Variants in INHBC observed in about 807,000 individuals in gnomAD.
INHBC encodes inhibin subunit beta C.
In INHBC, 10 loss-of-function variants were observed where a neutral mutation model predicts 12.4. The ratio of observed to expected loss-of-function variants is 0.81; its 90% CI spans 0.50 to 1.37. INHBC has a LOEUF of 1.37. Ranked by LOEUF, INHBC falls within the 40% of genes most tolerant of loss-of-function variation. The pLI, the probability that INHBC is intolerant of heterozygous loss-of-function variation, is 0.00. For synonymous variants in INHBC, 147 were observed against 171.6 expected, an observed-to-expected ratio of 0.86 and a Z score of 1.12; for missense variants, 382 against 439.4, an observed-to-expected ratio of 0.87 and a Z score of 1.17.
chr12:57,435,207 C>T lies in INHBC; in HGVS notation c.313+8C>T. The T allele has an allele frequency of 1.9e-6, 3 of 1,601,672 alleles. No individual in the cohort carries two copies. Among genetic ancestry groups the T allele is most frequent in the South Asian group, 1.1e-5 (1 of 90,484 alleles). On this transcript the variant is annotated splice_region_variant and intron_variant, in intron 1 of 1. Coordinates refer to ENST00000309668, the MANE Select transcript of INHBC (RefSeq NM_005538.4). ...TCAGCTTTGCTGAGACAGGTGGGTT[C>T]CTGATCTGTAGCTCTTCCCCAGAAC... is the stretch of plus-strand genomic sequence containing the variant.
At chr12:57,445,537 G>A (rs956188536) in intron 1 of INHBC, among the ~76,000 whole-genome samples, 3 of 152,100 alleles carry the variant, frequency 2.0e-5, no homozygotes, top group Non-Finnish European at 2.9e-5. Flanking sequence ...ATGCGTTTAT[G>A]GGGAGAAGTT....
At chr12:57,447,935 T>C (rs1198105343) in intron 1 of INHBC, among the ~76,000 whole-genome samples, 4 of 122,692 alleles carry the variant, frequency 3.3e-5, no homozygotes, top group African/African-American at 1.2e-4. Flanking sequence ...AATATATGTG[T>C]GTGTGCTTGT....
intron 1 of INHBC, among the ~76,000 whole-genome samples, chr12:57,447,596 AT>A (rs983523097): frequency 1.3e-5 from 2 of 151,016 alleles, no homozygotes; most frequent in African/African-American, 2.4e-5. Context: ...ATTAAAAAAA[AT>A]ATATAGGCCA....
chr12:57,449,138 A>C, intron 1 of INHBC, 139 bp from the exon 2 acceptor site: 1 of 1,125,472 alleles, frequency 8.9e-7, no homozygotes. Flanking sequence ...AATTTCCAGC[A>C]CATGAACTTT....
At chr12:57,446,626 C>G (rs1870585386) in intron 1 of INHBC, among the ~76,000 whole-genome samples, 1 of 151,886 alleles carries the variant, frequency 6.6e-6, no homozygotes, top group South Asian at 2.1e-4. Flanking sequence ...TCCGTAGTAG[C>G]TGGGACTACA....
intron 1 of INHBC, among the ~76,000 whole-genome samples, chr12:57,447,895 ATATATATATATAT>A (rs1870621468): frequency 1.8e-4 from 13 of 71,758 alleles, no homozygotes; most frequent in South Asian, 5.1e-4. Flanking sequence ...AAAAAAAAAT[ATATATATATATAT>A]ATATATATAT....
chr12:57,444,381 A>C (rs1870532038), intron 1 of INHBC, among the ~76,000 whole-genome samples: 1 of 152,040 alleles, frequency 6.6e-6, no homozygotes, highest in African/African-American at 2.4e-5. Context: ...TCTCTACTAA[A>C]AATACAAAAA....
At chr12:57,447,789 GAGGCAGCGGTT>G (rs1870611857) in intron 1 of INHBC, among the ~76,000 whole-genome samples, 1 of 135,890 alleles carries the variant, frequency 7.4e-6, no homozygotes, top group Non-Finnish European at 1.5e-5. Context: ...TTGAACCCGA[GAGGCAGCGGTT>G]GCAGTGAGCT....
Position 57,450,166 on chromosome 12 carries a change from C to A in INHBC, c.*144C>A. The A allele has an allele frequency of 2.3e-6, 2 of 878,520 alleles. No individual in the cohort carries two copies. Among genetic ancestry groups the A allele is most frequent in the Non-Finnish European group, 3.2e-6 (2 of 623,464 alleles). The allele number at this position is 878,520 out of a possible 1,614,324, so 54.4% of individuals were successfully genotyped here. On this transcript the variant is annotated 3_prime_UTR_variant, in exon 2 of 2. Coordinates refer to ENST00000309668, the MANE Select transcript of INHBC (RefSeq NM_005538.4). ...TGAGCATCTTATGGAAATTACCCCACCTTTGACTTGAAGAAACCTTCATCT... is the reference window on the plus strand; with the variant it reads ...TGAGCATCTTATGGAAATTACCCCAACTTTGACTTGAAGAAACCTTCATCT...
rs1356181455 is a variant in INHBC, at chr12:57,435,058, A to T, written c.172A>T (p.Thr58Ser). 1 of 1,614,014 alleles carries T rather than the reference A, an allele frequency of 6.2e-7. No homozygotes were observed. The highest frequency in any genetic ancestry group is 1.7e-5 in the Admixed American group (1 of 59,992). ...AAGCATCTTGGACAAGCTGCACCTC[A>T]CCCAGCGCCCAACACTGAACCGCCC... is the stretch of plus-strand genomic sequence containing the variant. ...KRSILDKLHLTQRPTLNRPVS... is the reference protein window; with the variant it reads ...KRSILDKLHLSQRPTLNRPVS... The change falls in exon 1 of 2, where the codon ACC (threonine) becomes TCC (serine). Residue 58 changes from threonine to serine, a missense_variant. Thr to Ser is a moderately conservative substitution (Grantham distance 58, BLOSUM62 1). Transcript: ENST00000309668.
intron 1 of INHBC, among the ~76,000 whole-genome samples, chr12:57,447,623 G>A (rs1334231917): frequency 6.7e-6 from 1 of 149,984 alleles, no homozygotes; most frequent in East Asian, 2.0e-4. Context: ...GGTGGCTTAC[G>A]CCTGTAATCC....
At chr12:57,447,248 G>A (rs1298986684) in intron 1 of INHBC, among the ~76,000 whole-genome samples, 1 of 151,976 alleles carries the variant, frequency 6.6e-6, no homozygotes, top group Non-Finnish European at 1.5e-5. Context: ...GCAATGGTGT[G>A]GTCTTGGCTC....
chr12:57,447,903 A>ATATATATATT (rs1555325191), intron 1 of INHBC, among the ~76,000 whole-genome samples: 3 of 102,716 alleles, frequency 2.9e-5, no homozygotes, highest in Admixed American at 1.1e-4. Context: ...ATATATATAT[A>ATATATATATT]TATATATATA....
rs1293891247 is a variant in INHBC at position 57,451,018 on chromosome 12, C to G, written c.*996C>G. On this transcript the variant is annotated 3_prime_UTR_variant, in exon 2 of 2. Transcript: ENST00000309668. ...TCCTACAAGGGCCCTAACTGGCACC[C>G]CAGATGACACAGAGCCTGCCTGCTT... 6.6e-6 allele frequency among the ~76,000 whole-genome samples: 1 copy of G among 152,190 alleles called. No individual in the cohort carries two copies. The highest frequency in any genetic ancestry group is 2.4e-5 in the African/African-American group (1 of 41,434).
chr12:57,435,079 C>G lies in INHBC; in HGVS notation c.193C>G (p.Arg65Gly). The G allele has an allele frequency of 6.2e-7, 1 of 1,614,170 alleles. No individual in the cohort carries two copies. Among genetic ancestry groups the G allele is most frequent in the Non-Finnish European group, 8.5e-7 (1 of 1,180,044 alleles). Reference sequence around the variant, plus strand: ...CCTCACCCAGCGCCCAACACTGAACCGCCCTGTGTCCAGAGCTGCTTTGAG... The same window carrying G: ...CCTCACCCAGCGCCCAACACTGAACGGCCCTGTGTCCAGAGCTGCTTTGAG... ...LHLTQRPTLN[R>G]PVSRAALRTA... Residue 65 changes from arginine to glycine, a missense_variant, in exon 1 of 2, where the codon CGC becomes GGC. Arg to Gly is a moderately radical substitution (Grantham distance 125). Transcript: ENST00000309668.
At chr12:57,447,956 A>G (rs1301115822) in intron 1 of INHBC, among the ~76,000 whole-genome samples, 2 of 129,650 alleles carry the variant, frequency 1.5e-5, no homozygotes, top group African/African-American at 5.6e-5. Context: ...GTTTGTATAT[A>G]TGTATGCATA....
Position 57,450,055 on chromosome 12 carries a change from T to A in INHBC, c.*33T>A. 6.8e-7 allele frequency: 1 copy of A among 1,478,606 alleles called. No homozygotes were observed. Among genetic ancestry groups the A allele is most frequent in the Non-Finnish European group, 8.9e-7 (1 of 1,119,552 alleles). The allele number at this position is 1,478,606 out of a possible 1,614,324, so 91.6% of individuals were successfully genotyped here. A position where few individuals can be genotyped will look rare whatever the true frequency, so the allele number is the denominator to read the frequency against. On this transcript the variant is annotated 3_prime_UTR_variant, in exon 2 of 2. Coordinates refer to ENST00000309668, the MANE Select transcript of INHBC (RefSeq NM_005538.4). ...GTGGTATGGGCAGCCCAAGGTTGCA[T>A]GGGAAAACACGCCCCTACAGAAGTG... is the stretch of plus-strand genomic sequence containing the variant.
At chr12:57,440,226 T>C (rs984456536) in intron 1 of INHBC, among the ~76,000 whole-genome samples, 4 of 152,204 alleles carry the variant, frequency 2.6e-5, no homozygotes, top group African/African-American at 9.6e-5. Flanking sequence ...TGTTTTGTTT[T>C]GTTTTCTGAA....
chr12:57,442,761 G>A (rs1192601727), intron 1 of INHBC, among the ~76,000 whole-genome samples: 2 of 152,090 alleles, frequency 1.3e-5, no homozygotes, highest in African/African-American at 4.8e-5. Flanking sequence ...AGGTTGAGGT[G>A]GGCGGGTCAC....
Sources: gnomAD v4.1 joint callset for allele counts (sites outside exome capture counted in the v4.1 genomes callset) on GRCh38, gnomAD v4.1.1 for gene constraint, MANE v1.5 for transcripts, NCBI Gene and HGNC (gene_info 2026-07-23, HGNC 2026-07-21) for gene names.